The following GRIN2A variants were observed in gnomAD, a reference collection of about 807,000 sequenced individuals.
GRIN2A encodes the protein glutamate receptor ionotropic, NMDA 2A.
A neutral mutation model predicts 113.4 loss-of-function variants in GRIN2A; 22 were observed. That is an observed-to-expected ratio of 0.19 (90% CI 0.14 to 0.28). The LOEUF is 0.28. Ranked by LOEUF, GRIN2A falls within the 10% of genes least tolerant of loss-of-function variation. The probability of loss-of-function intolerance (pLI) is 1.00; values close to 1 mark genes in which losing one functional copy is unlikely to be tolerated. For synonymous variants in GRIN2A, 827 were observed against 738.4 expected, an observed-to-expected ratio of 1.12 and a Z score of -1.94; for missense variants, 1,502 against 1,887.0, an observed-to-expected ratio of 0.80 and a Z score of 3.78.
In GRIN2A at chr16:9,763,660, ATGT is replaced by A; in HGVS notation, c.3881_3883del (p.Asn1294del). On this transcript the variant is annotated inframe_deletion, in exon 13 of 13. Coordinates refer to ENST00000330684, the MANE Select transcript of GRIN2A (RefSeq NM_001134407.3). ...GTCTAGCTCCCTAGGTTTGTCGACA[ATGT>A]TATCGTAGGAATGCTGACGGCTAAT... is the stretch of plus-strand genomic sequence containing the variant. 1 of 1,613,510 alleles carries A rather than the reference ATGT, an allele frequency of 6.2e-7. No individual in the cohort carries two copies. The highest frequency in any genetic ancestry group is 8.5e-7 in the Non-Finnish European group (1 of 1,179,998).
chr16:9,842,326 A>G (rs1324669068), intron 5 of GRIN2A, among the ~76,000 whole-genome samples: 1 of 152,232 alleles, frequency 6.6e-6, no homozygotes, highest in Admixed American at 6.5e-5. Context: ...GTACTTAGAC[A>G]ATTCACATAA....
At chr16:10,080,826 A>G (rs1035975612) in intron 2 of GRIN2A, among the ~76,000 whole-genome samples, 1 of 152,046 alleles carries the variant, frequency 6.6e-6, no homozygotes, top group Admixed American at 6.5e-5. Context: ...TCCCCATTAT[A>G]CTTGAACAGC....
At chr16:9,979,871 G>C (rs2045858322) in intron 2 of GRIN2A, among the ~76,000 whole-genome samples, 1 of 148,852 alleles carries the variant, frequency 6.7e-6, no homozygotes, top group Admixed American at 6.7e-5. Context: ...GTGTGTGTGT[G>C]TGTGTATGAG....
chr16:9,825,488 T>C (rs886845396), intron 9 of GRIN2A, among the ~76,000 whole-genome samples: 1 of 152,168 alleles, frequency 6.6e-6, no homozygotes, highest in Non-Finnish European at 1.5e-5. Flanking sequence ...TATTTGATGA[T>C]GGAGGAGGTA....
At chr16:10,039,278 C>A (rs1315129974) in intron 2 of GRIN2A, among the ~76,000 whole-genome samples, 1 of 152,152 alleles carries the variant, frequency 6.6e-6, no homozygotes, top group Non-Finnish European at 1.5e-5. Flanking sequence ...CTCAGATGCT[C>A]TCTTGCTCAC....
At chr16:10,063,018 T>G (rs1185461932) in intron 2 of GRIN2A, among the ~76,000 whole-genome samples, 1 of 152,142 alleles carries the variant, frequency 6.6e-6, no homozygotes, top group East Asian at 1.9e-4. Flanking sequence ...ATTTGGCACA[T>G]ATATACCATG....
intron 2 of GRIN2A, among the ~76,000 whole-genome samples, chr16:10,064,297 G>T (rs758016411): frequency 6.6e-6 from 1 of 152,074 alleles, no homozygotes; most frequent in Non-Finnish European, 1.5e-5. Context: ...TGGTAAATGC[G>T]TCCCAGGCAC....
At chr16:9,791,938 C>T (rs878918737) in intron 11 of GRIN2A, among the ~76,000 whole-genome samples, 1 of 152,044 alleles carries the variant, frequency 6.6e-6, no homozygotes, top group Admixed American at 6.5e-5. Flanking sequence ...CTCTAGAGTC[C>T]ATTGCAGGAA....
At chr16:9,867,851 A>G (rs746317651) in intron 4 of GRIN2A, among the ~76,000 whole-genome samples, 11 of 151,944 alleles carry the variant, frequency 7.2e-5, no homozygotes, top group Non-Finnish European at 1.3e-4. Context: ...TCTGCTCCAC[A>G]GTCTCCAGTT....
intron 3 of GRIN2A, 72 bp from the exon 4 acceptor site, chr16:9,891,172 A>G: frequency 2.4e-6 from 2 of 850,806 alleles, no homozygotes; most frequent in South Asian, 1.3e-5. Flanking sequence ...AGTGGATGCC[A>G]CCATTAATGG....
chr16:9,978,130 C>T (rs2045812494), intron 2 of GRIN2A, among the ~76,000 whole-genome samples: 1 of 152,172 alleles, frequency 6.6e-6, no homozygotes, highest in African/African-American at 2.4e-5. Flanking sequence ...CATGACAATG[C>T]TACAGCATAA....
chr16:10,045,667 G>A (rs566346850), intron 2 of GRIN2A, among the ~76,000 whole-genome samples: 56 of 152,308 alleles, frequency 3.7e-4, no homozygotes, highest in African/African-American at 1.2e-3. Context: ...ATCCAGAAAC[G>A]TTTTGCAGAA....
At chr16:9,869,881 C>G (rs1039294550) in intron 4 of GRIN2A, among the ~76,000 whole-genome samples, 1 of 152,182 alleles carries the variant, frequency 6.6e-6, no homozygotes, top group Non-Finnish European at 1.5e-5. Flanking sequence ...GTCAAGGTTC[C>G]TTCCCACCTG....
In GRIN2A at chr16:10,181,000, A is replaced by G. The variant is rs1442097801; in HGVS notation, c.-18-571T>C. On this transcript the variant is annotated intron_variant, in intron 1 of 12. Transcript: ENST00000330684. This position sits in a 1 kb window ranked among gnomAD's most constrained non-coding sequence, Gnocchi z 7.0. The stretch of plus-strand genomic sequence containing the variant: ...CCCCTACGAGCCCGTCGTGTGCACC[A>G]CACACTTTGCTCTACGCCCAGCCCC... Among the ~76,000 whole-genome samples, 1 of 151,986 alleles carries G rather than the reference A, an allele frequency of 6.6e-6. No individual in the cohort carries two copies. The highest frequency in any genetic ancestry group is 2.4e-5 in the African/African-American group (1 of 41,362).
At chr16:9,849,667 T>A in intron 5 of GRIN2A, 89 bp downstream of exon 5, 1 of 953,474 alleles carries the variant, frequency 1.0e-6, no homozygotes, top group East Asian at 2.4e-5. Context: ...TGACATTTTG[T>A]GATTCAAGTA....
At chr16:10,003,729 G>A (rs368196020) in intron 2 of GRIN2A, among the ~76,000 whole-genome samples, 46 of 152,286 alleles carry the variant, frequency 3.0e-4, no homozygotes, top group African/African-American at 7.9e-4. Flanking sequence ...AGGCCATGTC[G>A]GCAGAATATC....
chr16:9,769,924 A>G (rs1424517313), intron 11 of GRIN2A, among the ~76,000 whole-genome samples: 1 of 152,182 alleles, frequency 6.6e-6, no homozygotes, highest in Non-Finnish European at 1.5e-5. Context: ...ACAAAACTTT[A>G]ATTGAAAAGA....
intron 2 of GRIN2A, among the ~76,000 whole-genome samples, chr16:10,167,812 G>C (rs536437108): frequency 2.0e-5 from 3 of 152,292 alleles, no homozygotes; most frequent in Non-Finnish European, 2.9e-5. Flanking sequence ...CATTTGGAAA[G>C]CAATTTCAGG....
chr16:10,089,694 G>GATA (rs2048149616), intron 2 of GRIN2A, among the ~76,000 whole-genome samples: 1 of 152,096 alleles, frequency 6.6e-6, no homozygotes, highest in Admixed American at 6.5e-5. Context: ...TAAAACCCTT[G>GATA]ATAATAATAA....
Sources: allele counts gnomAD v4.1 joint callset (sites outside exome capture counted in the v4.1 genomes callset), GRCh38; gene constraint gnomAD v4.1.1; non-coding constraint Gnocchi (gnomAD v3.1); transcripts MANE v1.5; gene names NCBI Gene and HGNC (gene_info 2026-07-23, HGNC 2026-07-21).